KCNQ5: variants seen among roughly 807,000 people sequenced by gnomAD.
The protein encoded by KCNQ5 is potassium voltage-gated channel subfamily Q member 5, also known as potassium voltage-gated channel subfamily KQT member 5.
A neutral mutation model predicts 98.2 loss-of-function variants in KCNQ5; 30 were observed. The ratio of observed to expected loss-of-function variants is 0.31; its 90% CI spans 0.23 to 0.41. The LOEUF is 0.41. Among genes scored for constraint, KCNQ5 ranks in the 10% least tolerant of loss-of-function variants. The pLI, the probability that KCNQ5 is intolerant of heterozygous loss-of-function variation, is 1.00. For missense variants in KCNQ5, 835 were observed against 1,182.5 expected, an observed-to-expected ratio of 0.71 and a Z score of 4.31; for synonymous variants, 458 against 449.4, an observed-to-expected ratio of 1.02 and a Z score of -0.24.
intron 1 of KCNQ5, among the ~76,000 whole-genome samples, chr6:72,812,154 T>C (rs957884882): frequency 5.3e-5 from 8 of 152,212 alleles, no homozygotes; most frequent in Non-Finnish European, 1.0e-4. Flanking sequence ...GTCTTTGTTT[T>C]GGTGGGTTTT....
intron 1 of KCNQ5, among the ~76,000 whole-genome samples, chr6:72,898,117 G>T (rs776872765): frequency 6.6e-6 from 1 of 152,038 alleles, no homozygotes; most frequent in African/African-American, 2.4e-5. Context: ...AGGGGAAAAT[G>T]TCTGTATACA....
chr6:73,170,156 C>T (rs1777952135), intron 11 of KCNQ5, among the ~76,000 whole-genome samples: 1 of 152,072 alleles, frequency 6.6e-6, no homozygotes, highest in African/African-American at 2.4e-5. Flanking sequence ...TTTATTGATG[C>T]AATTGGATTT....
At chr6:72,685,526 AT>A (rs1426123317) in intron 1 of KCNQ5, among the ~76,000 whole-genome samples, 1 of 152,104 alleles carries the variant, frequency 6.6e-6, no homozygotes, top group African/African-American at 2.4e-5. Context: ...CTATCCTTGC[AT>A]TTTTTATATC....
intron 1 of KCNQ5, among the ~76,000 whole-genome samples, chr6:72,973,069 C>T (rs1180020950): frequency 6.6e-6 from 1 of 152,148 alleles, no homozygotes; most frequent in African/African-American, 2.4e-5. Context: ...AAAGGAAACG[C>T]TTTTGGTAAC....
intron 1 of KCNQ5, among the ~76,000 whole-genome samples, chr6:72,862,469 TTTTA>T (rs1777806967): frequency 6.6e-6 from 1 of 152,182 alleles, no homozygotes. Context: ...TTTTAGTACT[TTTTA>T]AATCCCTCAG....
At chr6:72,725,997 GT>G (rs1219551495) in intron 1 of KCNQ5, among the ~76,000 whole-genome samples, 1 of 151,856 alleles carries the variant, frequency 6.6e-6, no homozygotes, top group African/African-American at 2.4e-5. Context: ...TCTTAGCACA[GT>G]TTTCTGAAAT....
chr6:73,147,391 A>G (rs1776966344), intron 10 of KCNQ5, among the ~76,000 whole-genome samples: 1 of 152,034 alleles, frequency 6.6e-6, no homozygotes, highest in African/African-American at 2.4e-5. Context: ...CCAGTACTTG[A>G]TGGCAATTTC....
intron 1 of KCNQ5, among the ~76,000 whole-genome samples, chr6:72,808,186 T>A (rs866997642): frequency 1.6e-4 from 25 of 152,218 alleles, no homozygotes; most frequent in Middle Eastern, 3.4e-3. Context: ...GCGGACTGAT[T>A]TGAGTGATAC....
chr6:72,849,198 A>G (rs1777144457), intron 1 of KCNQ5, among the ~76,000 whole-genome samples: 1 of 152,172 alleles, frequency 6.6e-6, no homozygotes, highest in African/African-American at 2.4e-5. Flanking sequence ...CCTTTGATGG[A>G]CATTTAAATT....
intron 1 of KCNQ5, among the ~76,000 whole-genome samples, chr6:72,710,511 A>G (rs554460895): frequency 1.3e-5 from 2 of 152,352 alleles, no homozygotes; most frequent in African/African-American, 2.4e-5. Context: ...TTACATGCCA[A>G]TGGAAATAAA....
intron 1 of KCNQ5, among the ~76,000 whole-genome samples, chr6:73,002,421 T>A (rs1006442884): frequency 3.0e-4 from 46 of 152,234 alleles, no homozygotes; most frequent in Non-Finnish European, 5.4e-4. Flanking sequence ...TCAGTTTTCA[T>A]ATCTGTAAAA....
At chr6:73,121,526 G>A (rs1170691633) in intron 8 of KCNQ5, among the ~76,000 whole-genome samples, 1 of 152,168 alleles carries the variant, frequency 6.6e-6, no homozygotes, top group African/African-American at 2.4e-5. Context: ...TCCTCAGGTT[G>A]TTCAAAAGTT....
intron 5 of KCNQ5, among the ~76,000 whole-genome samples, chr6:73,086,525 C>T (rs2150400125): frequency 6.6e-6 from 1 of 152,220 alleles, no homozygotes; most frequent in Admixed American, 6.5e-5. Context: ...GGAAAGCCTC[C>T]CTTCAAGTCA....
intron 1 of KCNQ5, among the ~76,000 whole-genome samples, chr6:72,843,930 C>T (rs1776911653): frequency 6.6e-6 from 1 of 152,018 alleles, no homozygotes; most frequent in African/African-American, 2.4e-5. Context: ...CAAACTTGCT[C>T]TCACTCGTAT....
intron 1 of KCNQ5, among the ~76,000 whole-genome samples, chr6:72,814,434 T>C (rs1057033889): frequency 6.6e-6 from 1 of 152,210 alleles, no homozygotes; most frequent in Non-Finnish European, 1.5e-5. Flanking sequence ...ACCAACCTCA[T>C]AGATTCCTGT....
Position 72,952,336 on chromosome 6 carries a change from C to A in KCNQ5, c.399-51572C>A, listed in dbSNP as rs967813430. The stretch of plus-strand genomic sequence containing the variant: ...TCCATTCTACTTGGTCTAGGATTTT[C>A]TTTTCCTTTTTGATATGCTTCAAAT... On this transcript the variant is annotated intron_variant, in intron 1 of 13. Coordinates refer to ENST00000370398, the MANE Select transcript of KCNQ5 (RefSeq NM_019842.4). 2.0e-5 allele frequency among the ~76,000 whole-genome samples: 3 copies of A among 152,236 alleles called. No individual in the cohort carries two copies. In the East Asian group the frequency reaches 5.8e-4, roughly 29 times the overall value.
At chr6:73,160,552 C>T (rs1777578907) in intron 10 of KCNQ5, among the ~76,000 whole-genome samples, 1 of 152,092 alleles carries the variant, frequency 6.6e-6, no homozygotes, top group African/African-American at 2.4e-5. Flanking sequence ...TCCTGTATCA[C>T]CAATTTATCA....
At chr6:72,847,599 A>T (rs1257531202) in intron 1 of KCNQ5, among the ~76,000 whole-genome samples, 10 of 152,118 alleles carry the variant, frequency 6.6e-5, no homozygotes, top group Non-Finnish European at 1.3e-4. Flanking sequence ...ACCCCGTTAG[A>T]TCTCCCCAGA....
chr6:72,739,209 C>G (rs557574092), intron 1 of KCNQ5, among the ~76,000 whole-genome samples: 2 of 152,026 alleles, frequency 1.3e-5, no homozygotes, highest in African/African-American at 2.4e-5. Context: ...TAAAAGTGCT[C>G]TTGAAAATGA....
Sources: gnomAD v4.1 joint callset for allele counts (sites outside exome capture counted in the v4.1 genomes callset) on GRCh38, gnomAD v4.1.1 for gene constraint, MANE v1.5 for transcripts, NCBI Gene and HGNC (gene_info 2026-07-23, HGNC 2026-07-21) for gene names.